Variants in ITPR3 observed in about 807,000 individuals in gnomAD.
ITPR3 encodes the protein inositol 1,4,5-trisphosphate-gated calcium channel ITPR3.
ITPR3 carries 173 observed loss-of-function variants against 293.2 expected under a neutral mutation model. That is an observed-to-expected ratio of 0.59 (90% CI 0.52 to 0.67). The LOEUF (loss-of-function observed/expected upper bound fraction) is 0.67, where lower values mean the gene tolerates loss of function less well. Ranked by LOEUF, ITPR3 falls within the 30% of genes least tolerant of loss-of-function variation. The pLI is 0.00. For synonymous variants in ITPR3, 1,295 were observed against 1,444.4 expected, an observed-to-expected ratio of 0.90 and a Z score of 2.35; for missense variants, 2,796 against 3,592.1, an observed-to-expected ratio of 0.78 and a Z score of 5.66.
chr6:33,657,741 C>G (rs1403207328), intron 3 of ITPR3, among the ~76,000 whole-genome samples, 191 bp from the exon 4 acceptor site: 2 of 151,788 alleles, frequency 1.3e-5, no homozygotes, highest in Non-Finnish European at 2.9e-5. Flanking sequence ...GCCTTCTGCA[C>G]TCAGAGTGCA....
At position 33,695,983 on chromosome 6, in the gene ITPR3, A is replaced by C. The variant is rs569936588; in HGVS notation, c.*203A>C. 3.4e-6 allele frequency: 2 copies of C among 580,742 alleles called. No homozygotes were observed. The highest frequency in any genetic ancestry group is 4.2e-5 in the South Asian group (2 of 47,354). The allele number at this position is 580,742 out of a possible 1,614,324, so 36.0% of individuals were successfully genotyped here. A position where few individuals can be genotyped will look rare whatever the true frequency, so the allele number is the denominator to read the frequency against. Reference sequence around the variant, plus strand: ...GCTGACAGTCCTGCTTAGAGCCCTTAAAAAGACTTGAAAGTTCACTGGGAC... The same window carrying C: ...GCTGACAGTCCTGCTTAGAGCCCTTCAAAAGACTTGAAAGTTCACTGGGAC... On this transcript the variant is annotated 3_prime_UTR_variant, in exon 58 of 58. Transcript: ENST00000605930.
At chr6:33,680,490 A>G in intron 32 of ITPR3, 36 bp downstream of exon 32, 1 of 1,611,526 alleles carries the variant, frequency 6.2e-7, no homozygotes, top group Non-Finnish European at 8.5e-7. Context: ...GAAGCCCCCC[A>G]GGAGGTGTGG....
Position 33,633,787 on chromosome 6 carries a change from G to T in ITPR3, c.90-6697G>T, listed in dbSNP as rs1476493800. Among the ~76,000 whole-genome samples the T allele has an allele frequency of 2.1e-5, 3 of 140,380 alleles. No homozygotes were observed. Among genetic ancestry groups the T allele is most frequent in the Non-Finnish European group, 4.7e-5 (3 of 63,450 alleles). 92.1% of individuals were successfully genotyped at this position (140,380 alleles called of 152,430 possible). On this transcript the variant is annotated intron_variant, in intron 1 of 57. Coordinates refer to ENST00000605930, the MANE Select transcript of ITPR3 (RefSeq NM_002224.4). This position sits in a 1 kb window ranked among gnomAD's most constrained non-coding sequence, Gnocchi z 5.2. ...GGCCGGGGCCGGGGCCGGACGCCCG[G>T]AGCTCGCGGGCCGGGCCAGGCTGGG...
chr6:33,672,145 G>A lies in ITPR3; in HGVS notation c.2845G>A (p.Glu949Lys). ...CCTGTCTGCTGGGGCCAGTGCTGCT[G>A]AGCCGCTGGACAGAAGCAAGTTTGA... ...PSLSAGASAA[E>K]PLDRSKFEEN... Residue 949 changes from glutamate to lysine, a missense_variant, in exon 22 of 58, where the codon GAG (glutamate) becomes AAG (lysine). Glu to Lys is a moderately conservative substitution (Grantham distance 56, BLOSUM62 1). This residue lies in a region of ITPR3 where 955 missense variants were observed against 1,180.8 expected (regional missense o/e 0.81). Coordinates refer to ENST00000605930, the MANE Select transcript of ITPR3 (RefSeq NM_002224.4). The surrounding 1 kb of genome is among the most constrained non-coding windows in gnomAD (Gnocchi z 5.0). 6.2e-7 allele frequency: 1 copy of A among 1,614,104 alleles called. No individual in the cohort carries two copies. The highest frequency in any genetic ancestry group is 8.5e-7 in the Non-Finnish European group (1 of 1,180,032).
intron 1 of ITPR3, among the ~76,000 whole-genome samples, chr6:33,634,255 G>C (rs1366444136): frequency 6.6e-6 from 1 of 151,976 alleles, no homozygotes; most frequent in East Asian, 1.9e-4. Context: ...CACCAGGTGG[G>C]GGCTGCGCTC....
At position 33,652,405 on chromosome 6, in the gene ITPR3, G is replaced by T. The variant is rs192185310; in HGVS notation, c.161-3361G>T. Among the ~76,000 whole-genome samples the T allele has an allele frequency of 2.4e-3, 366 of 152,244 alleles. 3 individuals are homozygous for T. The highest frequency in any genetic ancestry group is 3.7e-3 in the Admixed American group (56 of 15,286). On this transcript the variant is annotated intron_variant, in intron 2 of 57. Transcript: ENST00000605930. ...CCTGCCCACCCCGAGTCTGGTGAGG[G>T]TAGCAAAAAACATAAAGTGGAATTG...
In ITPR3 at chr6:33,633,136, CGATG is replaced by C. The variant is rs1356622633; in HGVS notation, c.90-7347_90-7344del. ...GTACCACCGGCCTCTAGGTGAGGGG[CGATG>C]CCGGTGGTGGGCGTAGCGGGGCGTG... On this transcript the variant is annotated intron_variant, in intron 1 of 57. Coordinates refer to ENST00000605930, the MANE Select transcript of ITPR3 (RefSeq NM_002224.4). This position sits in a 1 kb window ranked among gnomAD's most constrained non-coding sequence, Gnocchi z 5.2. 8.5e-5 allele frequency among the ~76,000 whole-genome samples: 13 copies of C among 152,230 alleles called. No individual in the cohort carries two copies. Among genetic ancestry groups the C allele is most frequent in the African/African-American group, 2.9e-4 (12 of 41,540 alleles).
At chr6:33,627,052 C>T (rs1203037758) in intron 1 of ITPR3, among the ~76,000 whole-genome samples, 1 of 152,168 alleles carries the variant, frequency 6.6e-6, no homozygotes, top group African/African-American at 2.4e-5. Context: ...AGGTGATCTG[C>T]CTGCCTCGGC....
intron 1 of ITPR3, among the ~76,000 whole-genome samples, chr6:33,622,567 G>A (rs1763464201): frequency 6.6e-6 from 1 of 152,174 alleles, no homozygotes; most frequent in Non-Finnish European, 1.5e-5. Context: ...TCTTTGTCCC[G>A]TTTACAGTCT....
chr6:33,644,662 GTTT>G (rs61492756), intron 2 of ITPR3, among the ~76,000 whole-genome samples: 64 of 124,338 alleles, frequency 5.1e-4, no homozygotes, highest in African/African-American at 1.7e-3. Flanking sequence ...CACAATATAG[GTTT>G]TTTTTTTTTT....
chr6:33,690,258 T>C, intron 51 of ITPR3, 60 bp downstream of exon 51: 1 of 1,499,934 alleles, frequency 6.7e-7, no homozygotes, highest in South Asian at 1.2e-5. Context: ...GGGCTTCCCA[T>C]GAGTTGTTGG....
At position 33,658,940 on chromosome 6, in the gene ITPR3, T is replaced by G; in HGVS notation, c.529-81T>G. 2 of 1,598,788 alleles carry G rather than the reference T, an allele frequency of 1.3e-6. No individual in the cohort carries two copies. The highest frequency in any genetic ancestry group is 1.7e-6 in the Non-Finnish European group (2 of 1,167,902). On this transcript the variant is annotated intron_variant, in intron 5 of 57. Coordinates refer to ENST00000605930, the MANE Select transcript of ITPR3 (RefSeq NM_002224.4). The surrounding 1 kb of genome is among the most constrained non-coding windows in gnomAD (Gnocchi z 6.1). ...ATGCCCATTTCTTAGAAGGGCAGAC[T>G]GAGACCAAAGGGAGGCCTGGAGGCG...
At position 33,659,098 on chromosome 6, in the gene ITPR3, C is replaced by T. The variant is rs369395929; in HGVS notation, c.606C>T (p.Ser202=). The change falls in exon 6 of 58, where the codon AGC becomes AGT. Residue 202 remains serine, a synonymous_variant. Transcript: ENST00000605930. The part of the protein sequence containing the change: ...QPLHASNYEL[S]DNAGCKEVNS... ...TGCATGCCAGCAATTACGAGCTCAG[C>T]GACAACGCCGGCTGCAAGGAGGTGA... 19 of 1,613,764 alleles carry T rather than the reference C, an allele frequency of 1.2e-5. No homozygotes were observed. The highest frequency in any genetic ancestry group is 3.3e-5 in the South Asian group (3 of 91,076).
intron 2 of ITPR3, among the ~76,000 whole-genome samples, 184 bp downstream of exon 2, chr6:33,640,738 T>C (rs1012715178): frequency 6.6e-6 from 1 of 152,240 alleles, no homozygotes; most frequent in African/African-American, 2.4e-5. Flanking sequence ...GGCACAGACG[T>C]GCCATTCCCT....
chr6:33,670,832 C>G lies in ITPR3; in HGVS notation c.2586+17C>G. On this transcript the variant is annotated intron_variant, in intron 20 of 57. Transcript: ENST00000605930. The surrounding 1 kb of genome is among the most constrained non-coding windows in gnomAD (Gnocchi z 6.7). ...ACTTTTGAGGTGGCTGGGGGAGTGC[C>G]CAGGGGCTGGGGGTCCGTGGAGCTC... 6.2e-7 allele frequency: 1 copy of G among 1,611,568 alleles called. No homozygotes were observed.
In ITPR3 at chr6:33,667,837, T is replaced by C. The variant is rs1293068347; in HGVS notation, c.1759T>C (p.Tyr587His). The C allele has an allele frequency of 1.2e-6, 2 of 1,614,124 alleles. No homozygotes were observed. Among genetic ancestry groups the C allele is most frequent in the South Asian group, 2.2e-5 (2 of 91,086 alleles). ...QFGMMQSQIG[Y>H]DILAEDTITA... ...TGGGATGATGCAGTCCCAGATTGGC[T>C]ACGACATCCTGGCCGAGGACACCAT... The change falls in exon 16 of 58, where the codon TAC (tyrosine) becomes CAC (histidine). Residue 587 changes from tyrosine (Y) to histidine (H), a missense_variant. This residue lies in a region of ITPR3 where 955 missense variants were observed against 1,180.8 expected (regional missense o/e 0.81). Transcript: ENST00000605930. This position sits in a 1 kb window ranked among gnomAD's most constrained non-coding sequence, Gnocchi z 4.4.
intron 50 of ITPR3, among the ~76,000 whole-genome samples, 170 bp downstream of exon 50, chr6:33,689,580 T>C (rs1457346620): frequency 6.6e-6 from 1 of 152,140 alleles, no homozygotes; most frequent in Non-Finnish European, 1.5e-5. Context: ...TGTACCTTCT[T>C]CCTTTCCCTC....
In ITPR3 at chr6:33,676,774, C is replaced by T. The variant is rs752473954; in HGVS notation, c.3289C>T (p.Leu1097=). The T allele has an allele frequency of 6.2e-7, 1 of 1,614,162 alleles. No individual in the cohort carries two copies. The highest frequency in any genetic ancestry group is 2.2e-5 in the East Asian group (1 of 44,876). The change falls in exon 26 of 58, where the codon CTG becomes TTG. Residue 1097 remains leucine, a synonymous_variant. Coordinates refer to ENST00000605930, the MANE Select transcript of ITPR3 (RefSeq NM_002224.4). ...GCCCATCCTCCACCTTCAGGTTCAG[C>T]TGCTGATCTCAGCGCAGGACGTGGA... is the stretch of plus-strand genomic sequence containing the variant. ...EAMHTFKQVQ[L]LISAQDVENY...
At chr6:33,634,453 C>T (rs555610722) in intron 1 of ITPR3, among the ~76,000 whole-genome samples, 54 of 152,264 alleles carry the variant, frequency 3.5e-4, no homozygotes, top group African/African-American at 1.1e-3. Flanking sequence ...CCGACCCTCC[C>T]TGCTTTCCGT....
Sources: allele counts gnomAD v4.1 joint callset (sites outside exome capture counted in the v4.1 genomes callset), GRCh38; gene constraint gnomAD v4.1.1; regional missense constraint gnomAD v4.1.1; non-coding constraint Gnocchi (gnomAD v3.1); transcripts MANE v1.5; gene names NCBI Gene and HGNC (gene_info 2026-07-23, HGNC 2026-07-21).